HTR2C: variants seen among roughly 807,000 people sequenced by gnomAD.
HTR2C encodes the protein 5-hydroxytryptamine receptor 2C.
A neutral mutation model predicts 21.0 loss-of-function variants in HTR2C; 5 were observed. That is an observed-to-expected ratio of 0.24 (90% CI 0.12 to 0.50). The LOEUF is 0.50. Ranked by LOEUF, HTR2C falls within the 20% of genes least tolerant of loss-of-function variation. The pLI is 0.98. For synonymous variants in HTR2C, 150 were observed against 145.3 expected (o/e 1.03, Z -0.23); for missense variants, 271 against 371.2 (o/e 0.73, Z 2.22).
intron 2 of HTR2C, among the ~76,000 whole-genome samples, chrX:114,675,692 A>G (rs1931528899): frequency 8.9e-6 from 1 of 111,804 alleles, no homozygotes; most frequent in South Asian, 3.7e-4. Flanking sequence ...ATCATACAAT[A>G]TGTGATGACC....
At chrX:114,791,468 A>T (rs1556443570) in intron 4 of HTR2C, among the ~76,000 whole-genome samples, 1 of 111,516 alleles carries the variant, frequency 9.0e-6, no homozygotes, top group East Asian at 2.8e-4. Flanking sequence ...GAGGGAGGGT[A>T]TGGGGTAGAA....
At chrX:114,750,165 T>C (rs982724787) in intron 4 of HTR2C, among the ~76,000 whole-genome samples, 1 of 111,883 alleles carries the variant, frequency 8.9e-6, no homozygotes, top group African/African-American at 3.3e-5. Context: ...TGAATTATCA[T>C]TCTACCCCAT....
chrX:114,760,266 G>C (rs1193209631), intron 4 of HTR2C, among the ~76,000 whole-genome samples: 5 of 111,353 alleles, frequency 4.5e-5, no homozygotes, highest in Admixed American at 9.6e-5. Context: ...TTCCACAAAG[G>C]AAGGGTCCTC....
At chrX:114,901,806 CAG>C (rs1252063102) in intron 5 of HTR2C, among the ~76,000 whole-genome samples, 1 of 111,432 alleles carries the variant, frequency 9.0e-6, no homozygotes, top group African/African-American at 3.3e-5. Flanking sequence ...GAAGATGATA[CAG>C]AGTTATTGAA....
At chrX:114,657,495 A>G (rs1235030700) in intron 2 of HTR2C, among the ~76,000 whole-genome samples, 1 of 111,112 alleles carries the variant, frequency 9.0e-6, no homozygotes, top group East Asian at 2.8e-4. Flanking sequence ...GTAAATATTT[A>G]TCACCTGCGT....
chrX:114,603,977 A>C (rs1240057666), intron 1 of HTR2C, among the ~76,000 whole-genome samples: 6 of 104,914 alleles, frequency 5.7e-5, no homozygotes, highest in South Asian at 4.6e-4. Context: ...AGGCTTTAAA[A>C]GGCCATGCTG....
At chrX:114,715,757 C>T (rs1410729036) in intron 2 of HTR2C, among the ~76,000 whole-genome samples, 10 of 111,682 alleles carry the variant, frequency 9.0e-5, no homozygotes, top group African/African-American at 2.9e-4. Flanking sequence ...ATGTATTTAC[C>T]CCAATCACTC....
At chrX:114,782,743 C>T (rs1462973475) in intron 4 of HTR2C, among the ~76,000 whole-genome samples, 2 of 110,404 alleles carry the variant, frequency 1.8e-5, no homozygotes, top group South Asian at 3.8e-4. Context: ...AAAATAGTGT[C>T]GTAAGTGAGT....
At chrX:114,733,258 A>C (rs2069554009) in intron 4 of HTR2C, among the ~76,000 whole-genome samples, 2 of 109,790 alleles carry the variant, frequency 1.8e-5, no homozygotes, top group Admixed American at 1.9e-4. Context: ...AAATACAAAA[A>C]AATTAGCCGG....
At chrX:114,760,217 A>C (rs2147376535) in intron 4 of HTR2C, among the ~76,000 whole-genome samples, 1 of 111,775 alleles carries the variant, frequency 8.9e-6, no homozygotes, top group East Asian at 2.8e-4. Flanking sequence ...ACAATTTATT[A>C]TTATTATTAT....
intron 1 of HTR2C, among the ~76,000 whole-genome samples, chrX:114,600,893 A>G (rs1556394137): frequency 8.9e-6 from 1 of 112,160 alleles, no homozygotes; most frequent in African/African-American, 3.2e-5. Context: ...TTCTTCCATC[A>G]TACAACTTCA....
chrX:114,612,814 A>G (rs1228245878), intron 1 of HTR2C, among the ~76,000 whole-genome samples: 1 of 112,085 alleles, frequency 8.9e-6, no homozygotes, highest in Non-Finnish European at 1.9e-5. Context: ...ATCTTGCACA[A>G]GAAATAATTC....
chrX:114,883,745 G>A (rs782602223), intron 5 of HTR2C, among the ~76,000 whole-genome samples: 39 of 110,224 alleles, frequency 3.5e-4, no homozygotes, highest in South Asian at 1.5e-3. Context: ...CGAGCTAATG[G>A]AAATATGCAT....
intron 2 of HTR2C, among the ~76,000 whole-genome samples, chrX:114,625,917 T>A (rs144618105): frequency 0.01 from 1,133 of 111,302 alleles, 7 homozygotes; most frequent in Non-Finnish European, 0.016. Context: ...TGACAGCAAC[T>A]TCCAGCAGCT....
intron 5 of HTR2C, among the ~76,000 whole-genome samples, chrX:114,893,177 C>T (rs1309911541): frequency 9.1e-6 from 1 of 110,138 alleles, no homozygotes; most frequent in East Asian, 2.9e-4. Context: ...AGCCTCCCAA[C>T]GTGTGGGATT....
At chrX:114,741,269 C>T (rs1463730104) in intron 4 of HTR2C, among the ~76,000 whole-genome samples, 1 of 107,952 alleles carries the variant, frequency 9.3e-6, no homozygotes, top group African/African-American at 3.4e-5. Flanking sequence ...GCCTGTAATC[C>T]CAGCACTTTG....
chrX:114,794,543 C>G (rs1602792346), intron 4 of HTR2C, among the ~76,000 whole-genome samples: 1 of 70,695 alleles, frequency 1.4e-5, no homozygotes, highest in Admixed American at 2.0e-4. Flanking sequence ...CACCCCACAA[C>G]AGTCCCTGGT....
chrX:114,843,678 C>T (rs1372589881), intron 4 of HTR2C, among the ~76,000 whole-genome samples: 1 of 111,475 alleles, frequency 9.0e-6, no homozygotes, highest in Non-Finnish European at 1.9e-5. Flanking sequence ...AACCAAGGTG[C>T]AGTATAATCA....
At chrX:114,621,166 C>G (rs1290986451) in intron 2 of HTR2C, among the ~76,000 whole-genome samples, 2 of 112,514 alleles carry the variant, frequency 1.8e-5, no homozygotes, top group Non-Finnish European at 3.8e-5. Flanking sequence ...CAGGCATGAG[C>G]TATGGCACCC....
Sources: allele counts gnomAD v4.1 joint callset (sites outside exome capture counted in the v4.1 genomes callset), GRCh38; gene constraint gnomAD v4.1.1; transcripts MANE v1.5; gene names NCBI Gene and HGNC (gene_info 2026-07-23, HGNC 2026-07-21).